Variants in AVEN observed in about 807,000 individuals in gnomAD.
AVEN encodes the protein apoptosis and caspase activation inhibitor, also known as cell death regulator Aven.
A neutral mutation model predicts 38.1 loss-of-function variants in AVEN; 41 were observed. The ratio of observed to expected loss-of-function variants is 1.08; its 90% CI spans 0.84 to 1.40. The LOEUF is 1.40. AVEN is among the 40% of genes most tolerant of loss of function. The probability of loss-of-function intolerance (pLI) is 0.00; values close to 1 mark genes in which losing one functional copy is unlikely to be tolerated. For synonymous variants in AVEN, 206 were observed against 171.8 expected (o/e 1.20, Z -1.56); for missense variants, 605 against 438.8 (o/e 1.38, Z -3.38).
chr15:33,937,981 TA>T (rs1474608646), intron 2 of AVEN, among the ~76,000 whole-genome samples: 7 of 138,408 alleles, frequency 5.1e-5, no homozygotes, highest in Non-Finnish European at 8.0e-5. Context: ...GAATTCCAAT[TA>T]AAGTACTAAA....
intron 2 of AVEN, among the ~76,000 whole-genome samples, chr15:33,948,856 G>A (rs946143614): frequency 5.9e-5 from 9 of 151,734 alleles, no homozygotes; most frequent in Middle Eastern, 3.2e-3. Context: ...TATTTTTATC[G>A]AGACAGGGGA....
At chr15:33,853,267 T>C in the AVEN span, among the ~76,000 whole-genome samples, 4 of 152,248 alleles carry the variant, frequency 2.6e-5, no homozygotes, top group Non-Finnish European at 5.9e-5. Context: ...TTCATTCATA[T>C]ACTCATCTGC....
intron 2 of AVEN, among the ~76,000 whole-genome samples, chr15:34,002,702 GA>G (rs1897182423): frequency 6.6e-6 from 1 of 152,096 alleles, no homozygotes; most frequent in Non-Finnish European, 1.5e-5. Context: ...CAAATATAAG[GA>G]ATGTTTCCTC....
chr15:34,046,040 G>C (rs1899669009), intron 5 of AVEN, among the ~76,000 whole-genome samples: 1 of 152,148 alleles, frequency 6.6e-6, no homozygotes, highest in Admixed American at 6.5e-5. Context: ...AACTGTTAAA[G>C]TTTGAGTAAT....
intron 2 of AVEN, among the ~76,000 whole-genome samples, chr15:33,902,790 AGAC>A (rs1339613276): frequency 6.6e-6 from 1 of 152,188 alleles, no homozygotes; most frequent in Non-Finnish European, 1.5e-5. Flanking sequence ...AAAGAAATCA[AGAC>A]AACAATCCCA....
At chr15:33,864,203 A>G, downstream of AVEN, 1 of 1,600,202 alleles carries the variant, frequency 6.2e-7, no homozygotes, top group Non-Finnish European at 8.5e-7. Flanking sequence ...AGAAATTAAG[A>G]ATCATATACC....
chr15:33,955,361 T>G (rs528823730), intron 2 of AVEN, among the ~76,000 whole-genome samples: 37 of 152,292 alleles, frequency 2.4e-4, no homozygotes, highest in Admixed American at 1.0e-3. Flanking sequence ...ACATTCTTCT[T>G]TAGGAATGTA....
chr15:33,853,024 C>G, the AVEN span: 17 of 1,597,572 alleles, frequency 1.1e-5, no homozygotes, highest in African/African-American at 4.0e-5. Context: ...AAGAACCAAC[C>G]TTTTTCGTTT....
At chr15:33,891,395 C>A (rs918322546) in intron 2 of AVEN, among the ~76,000 whole-genome samples, 6 of 152,110 alleles carry the variant, frequency 3.9e-5, no homozygotes, top group Non-Finnish European at 8.8e-5. Context: ...CCCCCACCCC[C>A]TGACGGGCCC....
chr15:33,920,341 C>T (rs1399260422), intron 2 of AVEN, among the ~76,000 whole-genome samples: 1 of 152,190 alleles, frequency 6.6e-6, no homozygotes, highest in African/African-American at 2.4e-5. Flanking sequence ...CAACTCATTT[C>T]CCCATCTCCC....
rs748657230 is a variant in AVEN, at chr15:33,987,102, T to A, written c.445+15930A>T. 3.9e-4 allele frequency among the ~76,000 whole-genome samples: 60 copies of A among 152,226 alleles called. 1 individual carries two copies. The highest frequency in any genetic ancestry group is 4.7e-4 in the Non-Finnish European group (32 of 68,038). On this transcript the variant is annotated intron_variant, in intron 2 of 5. Coordinates refer to ENST00000306730, the MANE Select transcript of AVEN (RefSeq NM_020371.3). ...TTAAACAGTATATATTCATAATTCA[T>A]TAGCATTAATTCCATTCTCAGGTCA...
downstream of AVEN, chr15:33,864,936 C>T (rs1889956217): frequency 5.8e-6 from 3 of 514,340 alleles, no homozygotes; most frequent in South Asian, 1.0e-4. Flanking sequence ...TCCCTGCCAG[C>T]ATGTGTCAGA....
chr15:33,967,499 T>C (rs951743583), intron 2 of AVEN, among the ~76,000 whole-genome samples: 2 of 152,088 alleles, frequency 1.3e-5, no homozygotes, highest in Non-Finnish European at 2.9e-5. Flanking sequence ...TAGCAAAGAA[T>C]TGAATCTGAC....
At chr15:34,006,289 C>A (rs2140641569) in intron 1 of AVEN, among the ~76,000 whole-genome samples, 1 of 145,152 alleles carries the variant, frequency 6.9e-6, no homozygotes, top group Middle Eastern at 3.8e-3. Context: ...CCAGCCCGGG[C>A]AACAGAGCGA....
chr15:33,915,988 C>G (rs926206071), intron 2 of AVEN, among the ~76,000 whole-genome samples: 4 of 152,086 alleles, frequency 2.6e-5, no homozygotes, highest in Non-Finnish European at 4.4e-5. Flanking sequence ...GCCTGAGAGC[C>G]ACACCTCCAC....
intron 1 of AVEN, among the ~76,000 whole-genome samples, chr15:34,023,862 GT>G (rs1163690456): frequency 1.3e-5 from 2 of 152,168 alleles, no homozygotes; most frequent in Non-Finnish European, 2.9e-5. Flanking sequence ...CAGATGCCAC[GT>G]TTTTGGCCAG....
intron 2 of AVEN, among the ~76,000 whole-genome samples, chr15:33,951,929 G>T (rs1216601526): frequency 6.6e-6 from 1 of 152,146 alleles, no homozygotes. Flanking sequence ...CATCTGGAAA[G>T]CTGGATAAGA....
At chr15:34,056,439 T>A (rs558888699) in intron 5 of AVEN, among the ~76,000 whole-genome samples, 1 of 152,352 alleles carries the variant, frequency 6.6e-6, no homozygotes, top group South Asian at 2.1e-4. Flanking sequence ...AAAGGCTAGA[T>A]AAGCTAAGCT....
At chr15:33,919,052 C>T (rs1456292095) in intron 2 of AVEN, among the ~76,000 whole-genome samples, 1 of 151,710 alleles carries the variant, frequency 6.6e-6, no homozygotes, top group Non-Finnish European at 1.5e-5. Context: ...TCCCGAGTAG[C>T]TGGGATTACA....
Sources: allele counts gnomAD v4.1 joint callset (sites outside exome capture counted in the v4.1 genomes callset), GRCh38; gene constraint gnomAD v4.1.1; transcripts MANE v1.5; gene names NCBI Gene and HGNC (gene_info 2026-07-23, HGNC 2026-07-21).